The following TRABD2B variants were observed in gnomAD, a reference collection of about 807,000 sequenced individuals.
The protein encoded by TRABD2B is metalloprotease TIKI2.
TRABD2B carries 14 observed loss-of-function variants against 40.1 expected under a neutral mutation model. The observed-to-expected ratio is 0.35, with a 90% CI of 0.23 to 0.55. The LOEUF (loss-of-function observed/expected upper bound fraction) is 0.55, where lower values mean the gene tolerates loss of function less well. Ranked by LOEUF, TRABD2B falls within the 20% of genes least tolerant of loss-of-function variation. The probability of loss-of-function intolerance (pLI) is 0.90; values close to 1 mark genes in which losing one functional copy is unlikely to be tolerated. For synonymous variants in TRABD2B, 263 were observed against 277.0 expected (o/e 0.95, Z 0.50); for missense variants, 541 against 648.6 (o/e 0.83, Z 1.80).
chr1:47,939,477 G>A (rs1420676203), intron 2 of TRABD2B, among the ~76,000 whole-genome samples: 1 of 152,196 alleles, frequency 6.6e-6, no homozygotes, highest in East Asian at 1.9e-4. Context: ...TTACAGTTAT[G>A]CAGGATTGCC....
At chr1:47,787,259 C>T (rs1438925626) in intron 4 of TRABD2B, among the ~76,000 whole-genome samples, 3 of 152,180 alleles carry the variant, frequency 2.0e-5, no homozygotes, top group African/African-American at 7.2e-5. Context: ...ACCCTGCCTC[C>T]TTTCAGTGCC....
intron 2 of TRABD2B, among the ~76,000 whole-genome samples, chr1:47,990,766 TG>T (rs1645989672): frequency 9.1e-5 from 9 of 98,804 alleles, no homozygotes; most frequent in South Asian, 3.5e-4. Flanking sequence ...TTTAAAACGT[TG>T]GTTTTATATA....
intron 2 of TRABD2B, among the ~76,000 whole-genome samples, chr1:47,962,905 G>A (rs1321902380): frequency 2.0e-5 from 3 of 152,158 alleles, no homozygotes; most frequent in African/African-American, 4.8e-5. Flanking sequence ...CACAGGAAGG[G>A]GTATCTACTC....
chr1:47,904,358 G>C (rs567826737), intron 2 of TRABD2B, among the ~76,000 whole-genome samples: 1 of 152,296 alleles, frequency 6.6e-6, no homozygotes, highest in African/African-American at 2.4e-5. Context: ...AGGAGAAATC[G>C]AGTTTAGATT....
intron 2 of TRABD2B, among the ~76,000 whole-genome samples, chr1:47,964,374 T>C (rs1236250277): frequency 6.6e-6 from 1 of 152,152 alleles, no homozygotes; most frequent in Non-Finnish European, 1.5e-5. Context: ...CCAATAGACT[T>C]GCTGAGGAAG....
intron 2 of TRABD2B, among the ~76,000 whole-genome samples, chr1:47,805,035 C>T (rs1424548074): frequency 6.6e-6 from 1 of 152,186 alleles, no homozygotes; most frequent in African/African-American, 2.4e-5. Context: ...AACCACTGAT[C>T]TCATCCTGTG....
At chr1:47,845,871 T>G (rs944850986) in intron 2 of TRABD2B, among the ~76,000 whole-genome samples, 5 of 152,248 alleles carry the variant, frequency 3.3e-5, no homozygotes, top group African/African-American at 1.2e-4. Context: ...TTATTCTATT[T>G]GAAATCCCTA....
rs1304879181 is a variant in TRABD2B at position 47,763,844 on chromosome 1, A to G, written c.*2058T>C. 1 of 152,246 alleles carries G rather than the reference A, an allele frequency of 6.6e-6. No individual in the cohort carries two copies. The highest frequency in any genetic ancestry group is 2.4e-5 in the African/African-American group (1 of 41,462). 9.4% of individuals were successfully genotyped at this position (152,246 alleles called of 1,614,324 possible). On this transcript the variant is annotated 3_prime_UTR_variant, in exon 7 of 7. Transcript: ENST00000606738. ...GATGTCCAACTTCTGAGCCTGCTTT[A>G]TAAGTCAGCTAAGCCCCTTCCCGCT...
Position 47,881,486 on chromosome 1 carries a change from C to T in TRABD2B, c.667-79867G>A, listed in dbSNP as rs551291484. On this transcript the variant is annotated intron_variant, in intron 2 of 6. Coordinates refer to ENST00000606738, the MANE Select transcript of TRABD2B (RefSeq NM_001194986.2). ...TTTCCCATTTTTATCCTCATAATGACACCATGAGATTGGTACTATTGTTAC... is the reference window on the plus strand; with the variant it reads ...TTTCCCATTTTTATCCTCATAATGATACCATGAGATTGGTACTATTGTTAC... 2.0e-4 allele frequency among the ~76,000 whole-genome samples: 31 copies of T among 152,310 alleles called. No homozygotes were observed. In the South Asian group the frequency reaches 6.2e-3, roughly 31 times the overall value.
rs577995514 is a variant in TRABD2B, at chr1:47,762,280, T to A, written c.*3622A>T. 6.6e-6 allele frequency: 1 copy of A among 152,308 alleles called. No homozygotes were observed. The highest frequency in any genetic ancestry group is 2.1e-4 in the South Asian group (1 of 4,818). The allele number at this position is 152,308 out of a possible 1,614,324, so 9.4% of individuals were successfully genotyped here. On this transcript the variant is annotated 3_prime_UTR_variant, in exon 7 of 7. Coordinates refer to ENST00000606738, the MANE Select transcript of TRABD2B (RefSeq NM_001194986.2). Reference sequence around the variant, plus strand: ...CAGCAGGGTTGGGTCACGAAGGGTCTAGCGGACACTTCAGGGTGAGGCTGA... The same window carrying A: ...CAGCAGGGTTGGGTCACGAAGGGTCAAGCGGACACTTCAGGGTGAGGCTGA...
chr1:47,804,046 G>A (rs532195578), intron 2 of TRABD2B, among the ~76,000 whole-genome samples: 9 of 152,312 alleles, frequency 5.9e-5, no homozygotes, highest in African/African-American at 1.9e-4. Context: ...AGGGCCAAGC[G>A]TGTGCTCATG....
chr1:47,973,591 C>T (rs143340431), intron 2 of TRABD2B, among the ~76,000 whole-genome samples: 7 of 152,256 alleles, frequency 4.6e-5, no homozygotes, highest in Admixed American at 2.0e-4. Context: ...TGTGCAAGTG[C>T]CACCCCAGAT....
At chr1:47,984,224 G>A (rs1645883906) in intron 2 of TRABD2B, among the ~76,000 whole-genome samples, 1 of 152,234 alleles carries the variant, frequency 6.6e-6, no homozygotes, top group Non-Finnish European at 1.5e-5. Context: ...AGGGCTGGCC[G>A]CGCGCCGCGC....
chr1:47,940,831 G>T (rs1401049370), intron 2 of TRABD2B, among the ~76,000 whole-genome samples: 1 of 152,266 alleles, frequency 6.6e-6, no homozygotes, highest in East Asian at 1.9e-4. Flanking sequence ...AATCTCGAGA[G>T]CATGGCAGTC....
intron 2 of TRABD2B, among the ~76,000 whole-genome samples, chr1:47,910,742 C>T (rs1353909862): frequency 2.6e-5 from 4 of 152,220 alleles, no homozygotes; most frequent in African/African-American, 4.8e-5. Flanking sequence ...AGGTAAAATA[C>T]CTATCCTCAT....
intron 2 of TRABD2B, among the ~76,000 whole-genome samples, chr1:47,814,228 C>A (rs1645001319): frequency 6.6e-6 from 1 of 152,172 alleles, no homozygotes; most frequent in South Asian, 2.1e-4. Flanking sequence ...CAGCCTGTGG[C>A]TGGTGGAGGT....
rs1290956200 is a variant in TRABD2B, at chr1:47,996,353, G to A, written c.102+335C>T. ...AAACACAGTCAGAAGCGGGCAGAGA[G>A]ACCAGAAGGGTAAAGACAGAAAAAA... On this transcript the variant is annotated intron_variant, in intron 1 of 6. Transcript: ENST00000606738. The surrounding 1 kb of genome is among the most constrained non-coding windows in gnomAD (Gnocchi z 4.6). Among the ~76,000 whole-genome samples the A allele has an allele frequency of 1.1e-4, 16 of 152,118 alleles. No individual in the cohort carries two copies. The highest frequency in any genetic ancestry group is 1.0e-3 in the Admixed American group (16 of 15,268).
rs1183145782 is a variant in TRABD2B, at chr1:47,813,416, A to G, written c.667-11797T>C. Among the ~76,000 whole-genome samples, 1 of 152,166 alleles carries G rather than the reference A, an allele frequency of 6.6e-6. No homozygotes were observed. Among genetic ancestry groups the G allele is most frequent in the Non-Finnish European group, 1.5e-5 (1 of 68,034 alleles). On this transcript the variant is annotated intron_variant, in intron 2 of 6. Coordinates refer to ENST00000606738, the MANE Select transcript of TRABD2B (RefSeq NM_001194986.2). The surrounding 1 kb of genome is among the most constrained non-coding windows in gnomAD (Gnocchi z 4.3). ...CAATACTGATGAGAGAAATTGTAAC[A>G]TGCCTCTCTGTTTGTCTGCTAAGCC...
At chr1:47,882,049 A>C (rs1644311366) in intron 2 of TRABD2B, among the ~76,000 whole-genome samples, 1 of 152,174 alleles carries the variant, frequency 6.6e-6, no homozygotes, top group South Asian at 2.1e-4. Flanking sequence ...CTGCCCTCAG[A>C]AGCCTGGAGA....
Sources: gnomAD v4.1 joint callset for allele counts (sites outside exome capture counted in the v4.1 genomes callset) on GRCh38, gnomAD v4.1.1 for gene constraint, Gnocchi (gnomAD v3.1) non-coding constraint, MANE v1.5 for transcripts, NCBI Gene and HGNC (gene_info 2026-07-23, HGNC 2026-07-21) for gene names.